The following SCAP variants were observed in gnomAD, a reference collection of about 807,000 sequenced individuals.
SCAP encodes the protein SREBF chaperone.
A neutral mutation model predicts 123.6 loss-of-function variants in SCAP; 65 were observed. That is an observed-to-expected ratio of 0.53 (90% CI 0.43 to 0.65). The LOEUF (loss-of-function observed/expected upper bound fraction) is 0.65, where lower values mean the gene tolerates loss of function less well. SCAP is among the 30% of genes least tolerant of loss of function. The pLI is 0.00. For missense variants in SCAP, 1,398 were observed against 1,712.5 expected (o/e 0.82, Z 3.24); for synonymous variants, 740 against 726.3 (o/e 1.02, Z -0.30).
chr3:47,422,971 C>T (rs1416072027), intron 9 of SCAP, among the ~76,000 whole-genome samples: 3 of 152,224 alleles, frequency 2.0e-5, no homozygotes, highest in African/African-American at 7.2e-5. Context: ...TGGCTGCGTT[C>T]TTCCTCAAGC....
chr3:47,425,143 G>C (rs937074902), intron 8 of SCAP: 9 of 225,562 alleles, frequency 4.0e-5, no homozygotes, highest in Non-Finnish European at 6.1e-5. Context: ...TGTGTATATA[G>C]AATACATAAA....
At position 47,439,083 on chromosome 3, in the gene SCAP, G is replaced by A. The variant is rs1486598288; in HGVS notation, c.122+3789C>T. Among the ~76,000 whole-genome samples, 5 of 152,066 alleles carry A rather than the reference G, an allele frequency of 3.3e-5. No individual in the cohort carries two copies. Among genetic ancestry groups the A allele is most frequent in the African/African-American group, 4.8e-5 (2 of 41,408 alleles). The stretch of plus-strand genomic sequence containing the variant: ...TACGATGGGGTTATGTCCTGATAAC[G>A]CTGTCGTAAATTGAAAATATCCTAA... On this transcript the variant is annotated intron_variant, in intron 2 of 22. Transcript: ENST00000265565. This position sits in a 1 kb window ranked among gnomAD's most constrained non-coding sequence, Gnocchi z 4.0.
chr3:47,473,086 A>AAAAAAAAAAAAAAAAAAAAAAAAAC (rs1452211445), intron 1 of SCAP, among the ~76,000 whole-genome samples: 1 of 144,066 alleles, frequency 6.9e-6, no homozygotes, highest in Non-Finnish European at 1.5e-5. Context: ...ATCTCAAAAA[A>AAAAAAAAAAAAAAAAAAAAAAAAAC]AAAAAAAAAA....
At position 47,419,471 on chromosome 3, in the gene SCAP, C is replaced by T; in HGVS notation, c.1797G>A (p.Glu599=). ...GGACAACCTCTGCTGGACCTCCACG[C>T]TCAGGTGACTCGCCTGGCGACGTCT... ...ENQTSPGESP[E]RGGPAEVVHD... The change falls in exon 13 of 23, where the codon GAG becomes GAA. Residue 599 remains glutamate (E), a synonymous_variant. Transcript: ENST00000265565. The surrounding 1 kb of genome is among the most constrained non-coding windows in gnomAD (Gnocchi z 5.0). The T allele has an allele frequency of 6.2e-7, 1 of 1,614,004 alleles. No homozygotes were observed. Among genetic ancestry groups the T allele is most frequent in the Non-Finnish European group, 8.5e-7 (1 of 1,180,012 alleles).
At chr3:47,443,260 ACACACACACACACACACT>A (rs1559556942) in intron 1 of SCAP, 169 bp from the exon 2 acceptor site, 106 of 252,418 alleles carry the variant, frequency 4.2e-4, no homozygotes, top group African/African-American at 2.3e-3. Context: ...ACACACACAC[ACACACACACACACACACT>A]CTCTCTCTCT....
In SCAP at chr3:47,415,185, AAG is replaced by A. The variant is rs1355352187; in HGVS notation, c.3057-7_3057-6del. The A allele has an allele frequency of 1.2e-6, 2 of 1,606,398 alleles. No homozygotes were observed. Among genetic ancestry groups the A allele is most frequent in the Non-Finnish European group, 1.7e-6 (2 of 1,177,606 alleles). Reference sequence around the variant, plus strand: ...TTGAGCCGTGCAGCCACAATCCTGGAAGAGAAGAACAGCTGCCAGGGGCCTCT... The same window carrying A: ...TTGAGCCGTGCAGCCACAATCCTGGAAGAAGAACAGCTGCCAGGGGCCTCT... On this transcript the variant is annotated splice_polypyrimidine_tract_variant and splice_region_variant and intron_variant, in intron 18 of 22. Coordinates refer to ENST00000265565, the MANE Select transcript of SCAP (RefSeq NM_012235.4).
intron 8 of SCAP, among the ~76,000 whole-genome samples, chr3:47,424,975 G>A (rs549375075): frequency 3.3e-5 from 5 of 152,170 alleles, no homozygotes; most frequent in South Asian, 2.1e-4. Flanking sequence ...TGAAAAAGGC[G>A]ACAAATTACA....
Position 47,426,216 on chromosome 3 carries a change from T to C in SCAP, c.738-47A>G. 1.9e-6 allele frequency: 3 copies of C among 1,577,150 alleles called. No homozygotes were observed. The South Asian group carries it at 3.4e-5, about 18-fold the overall frequency. ...GGTAAATGGAAGTGTTGCTCTTGGT[T>C]CTGGGGACAAAGACAATCCCCGGAC... On this transcript the variant is annotated intron_variant, in intron 6 of 22. Coordinates refer to ENST00000265565, the MANE Select transcript of SCAP (RefSeq NM_012235.4).
chr3:47,432,601 C>T (rs1706411134), intron 3 of SCAP, among the ~76,000 whole-genome samples: 1 of 152,106 alleles, frequency 6.6e-6, no homozygotes, highest in Admixed American at 6.5e-5. Context: ...AGTTTTGGCT[C>T]CTTCGTATAG....
chr3:47,440,345 A>G (rs947191551), intron 2 of SCAP, among the ~76,000 whole-genome samples: 14 of 152,168 alleles, frequency 9.2e-5, no homozygotes, highest in African/African-American at 3.4e-4. Flanking sequence ...GACAATGGTG[A>G]GGCTTGTGTC....
Position 47,435,145 on chromosome 3 carries a change from G to A in SCAP, c.123-8C>T. The A allele has an allele frequency of 6.2e-7, 1 of 1,610,140 alleles. No homozygotes were observed. The highest frequency in any genetic ancestry group is 8.5e-7 in the Non-Finnish European group (1 of 1,178,034). On this transcript the variant is annotated splice_polypyrimidine_tract_variant and splice_region_variant and intron_variant, in intron 2 of 22. Coordinates refer to ENST00000265565, the MANE Select transcript of SCAP (RefSeq NM_012235.4). ...AGTTTCAGCAGTGGGTAGCTGGGAT[G>A]TACAAAAAGGAGATAAGAATTAGAC...
At chr3:47,434,309 A>G (rs1389944916) in intron 3 of SCAP, among the ~76,000 whole-genome samples, 2 of 152,222 alleles carry the variant, frequency 1.3e-5, no homozygotes, top group Admixed American at 6.5e-5. Flanking sequence ...ACAACACAGA[A>G]GAAAGGGCAC....
chr3:47,427,685 C>A lies in SCAP; in HGVS notation c.411-18G>T, dbSNP rs547928921. The A allele has an allele frequency of 3.7e-6, 6 of 1,609,236 alleles. No homozygotes were observed. The highest frequency in any genetic ancestry group is 2.7e-5 in the African/African-American group (2 of 74,906). On this transcript the variant is annotated intron_variant, in intron 4 of 22. Coordinates refer to ENST00000265565, the MANE Select transcript of SCAP (RefSeq NM_012235.4). ...TCCCAGAGCTGCACAGGAGACAGGA[C>A]AAGGCACCTGCTGTGTCTGCCACCA... is the stretch of plus-strand genomic sequence containing the variant.
chr3:47,471,531 G>A (rs1576322424), intron 1 of SCAP, among the ~76,000 whole-genome samples: 1 of 152,096 alleles, frequency 6.6e-6, no homozygotes, highest in African/African-American at 2.4e-5. Context: ...CACCACACCT[G>A]GCTAACTTTT....
intron 14 of SCAP, 44 bp from the exon 15 acceptor site, chr3:47,418,566 G>GTCCCC (rs1559540543): frequency 1.3e-6 from 2 of 1,556,562 alleles, no homozygotes; most frequent in East Asian, 2.4e-5. Context: ...CTCACAGCCT[G>GTCCCC]TCCCCTCCCC....
At position 47,418,143 on chromosome 3, in the gene SCAP, G is replaced by A. The variant is rs554079872; in HGVS notation, c.2438C>T (p.Pro813Leu). The change falls in exon 16 of 23, where the codon CCG becomes CTG. Residue 813 changes from proline to leucine, a missense_variant. Around this residue, in one of 7 missense-constraint regions of SCAP, gnomAD observed 828 missense variants for 882.5 expected, o/e 0.94. Coordinates refer to ENST00000265565, the MANE Select transcript of SCAP (RefSeq NM_012235.4). Reference protein sequence around the residue: ...AQTGDCLTRIPRPGRQRRDSG... With the variant: ...AQTGDCLTRILRPGRQRRDSG... ...GGGCAGCCGCACCTACCCTGGGCGC[G>A]GAATGCGCGTTAGGCAATCCCCGGT... is the stretch of plus-strand genomic sequence containing the variant. The A allele has an allele frequency of 2.0e-5, 32 of 1,561,112 alleles. No homozygotes were observed. In the East Asian group the frequency reaches 2.4e-4, roughly 12 times the overall value.
At chr3:47,434,893 T>C (rs1246097575) in intron 3 of SCAP, 115 bp downstream of exon 3, 2 of 1,305,112 alleles carry the variant, frequency 1.5e-6, no homozygotes, top group African/African-American at 2.9e-5. Flanking sequence ...GCTGTTAAAG[T>C]ACATGAATTC....
chr3:47,459,460 A>C (rs1159106507), intron 1 of SCAP, among the ~76,000 whole-genome samples: 1 of 152,170 alleles, frequency 6.6e-6, no homozygotes, highest in East Asian at 1.9e-4. Context: ...GGTTCTTTCT[A>C]TTTTCCGTAA....
chr3:47,463,683 G>C (rs1396978897), intron 1 of SCAP, among the ~76,000 whole-genome samples: 1 of 151,980 alleles, frequency 6.6e-6, no homozygotes, highest in Admixed American at 6.6e-5. Context: ...GGCAGCCTAA[G>C]TGACAAAGTG....
Sources: gnomAD v4.1 joint callset for allele counts (sites outside exome capture counted in the v4.1 genomes callset) on GRCh38, gnomAD v4.1.1 for gene constraint, gnomAD v4.1.1 regional missense constraint, Gnocchi (gnomAD v3.1) non-coding constraint, MANE v1.5 for transcripts, NCBI Gene and HGNC (gene_info 2026-07-23, HGNC 2026-07-21) for gene names.